The following CNBD1 variants were observed in gnomAD, a reference collection of about 807,000 sequenced individuals.
The protein encoded by CNBD1 is cyclic nucleotide-binding domain-containing protein 1.
A neutral mutation model predicts 54.4 loss-of-function variants in CNBD1; 71 were observed. That is an observed-to-expected ratio of 1.30 (90% CI 1.08 to 1.59). The LOEUF is 1.59. Ranked by LOEUF, CNBD1 falls within the 40% of genes most tolerant of loss-of-function variation. The probability of loss-of-function intolerance (pLI) is 0.00; values close to 1 mark genes in which losing one functional copy is unlikely to be tolerated. For missense variants in CNBD1, 659 were observed against 518.0 expected, an observed-to-expected ratio of 1.27 and a Z score of -2.64; for synonymous variants, 182 against 170.7, an observed-to-expected ratio of 1.07 and a Z score of -0.51.
chr8:87,099,053 A>C (rs896343450), intron 4 of CNBD1, among the ~76,000 whole-genome samples: 2 of 150,870 alleles, frequency 1.3e-5, no homozygotes, highest in South Asian at 2.1e-4. Context: ...AAAAAAAAAA[A>C]AAAAAAACAA....
chr8:86,995,992 C>G lies in CNBD1; in HGVS notation c.431+56238C>G, dbSNP rs73689982. Among the ~76,000 whole-genome samples the G allele has an allele frequency of 5.3e-3, 806 of 152,248 alleles. 11 individuals carry two copies. Among genetic ancestry groups the G allele is most frequent in the African/African-American group, 0.018 (749 of 41,542 alleles). On this transcript the variant is annotated intron_variant, in intron 4 of 10. Transcript: ENST00000518476. ...AAATCCCTATCGATATTAAGACCTGCCATGATTTCCACTTATACCCCCAGT... is the reference window on the plus strand; with the variant it reads ...AAATCCCTATCGATATTAAGACCTGGCATGATTTCCACTTATACCCCCAGT...
chr8:87,251,541 T>C (rs1439895936), intron 6 of CNBD1, among the ~76,000 whole-genome samples: 3 of 150,926 alleles, frequency 2.0e-5, no homozygotes, highest in Non-Finnish European at 2.9e-5. Flanking sequence ...TGAGCCAAGA[T>C]TGCGCCATTG....
intron 4 of CNBD1, among the ~76,000 whole-genome samples, chr8:87,106,490 C>T (rs1811540331): frequency 6.6e-6 from 1 of 152,206 alleles, no homozygotes; most frequent in African/African-American, 2.4e-5. Context: ...GAATTACAGG[C>T]ATGAGCCACT....
At chr8:87,193,603 C>T (rs1019891491) in intron 4 of CNBD1, among the ~76,000 whole-genome samples, 4 of 152,150 alleles carry the variant, frequency 2.6e-5, no homozygotes, top group Admixed American at 2.6e-4. Flanking sequence ...TTTCCTTTCA[C>T]TTATAGAGAC....
chr8:87,408,729 C>G (rs1792368358), intron 2 of CNBD1, among the ~76,000 whole-genome samples: 1 of 152,090 alleles, frequency 6.6e-6, no homozygotes, highest in Non-Finnish European at 1.5e-5. Context: ...AATTTTGTGT[C>G]TCCGTGTCAC....
intron 4 of CNBD1, among the ~76,000 whole-genome samples, chr8:87,030,840 CCT>C (rs1200114443): frequency 2.0e-4 from 24 of 117,342 alleles, no homozygotes; most frequent in African/African-American, 9.4e-4. Context: ...CCTTCTCCCC[CCT>C]CCCCTCTCCT....
Position 87,237,051 on chromosome 8 carries a change from G to A in CNBD1, c.710G>A (p.Trp237Ter), listed in dbSNP as rs757608759. Reference protein sequence around the residue: ...FISQSFHSFIWSEEFKNSTLA... With the variant: ...FISQSFHSFI ...TCTCAGAGTTTCCACAGCTTCATTT[G>A]GAGTGAAGAATTCAAAAACTCTACA... The change falls in exon 6 of 11, where the codon TGG becomes TAG. Residue 237 changes from tryptophan (W) to a stop codon, truncating the protein, a stop_gained. Transcript: ENST00000518476. LOFTEE classifies it high-confidence loss of function. 9 of 1,611,724 alleles carry A rather than the reference G, an allele frequency of 5.6e-6. No individual in the cohort carries two copies. Among genetic ancestry groups the A allele is most frequent in the Non-Finnish European group, 7.6e-6 (9 of 1,178,394 alleles).
At chr8:87,064,444 TAAGG>T (rs941727797) in intron 4 of CNBD1, among the ~76,000 whole-genome samples, 8 of 152,132 alleles carry the variant, frequency 5.3e-5, no homozygotes, top group African/African-American at 1.9e-4. Flanking sequence ...TCTTTCTGAG[TAAGG>T]AAGGGGCTTA....
intron 4 of CNBD1, among the ~76,000 whole-genome samples, chr8:87,050,083 C>T (rs1312873139): frequency 6.6e-6 from 1 of 152,134 alleles, no homozygotes. Flanking sequence ...GATTTTTGGG[C>T]CTCAGATTCC....
At chr8:87,315,178 A>G (rs899584326) in intron 8 of CNBD1, among the ~76,000 whole-genome samples, 3 of 152,100 alleles carry the variant, frequency 2.0e-5, no homozygotes, top group East Asian at 1.9e-4. Flanking sequence ...TAAAGAGAGT[A>G]GGGAAAATAG....
intron 6 of CNBD1, among the ~76,000 whole-genome samples, chr8:87,239,339 G>T (rs1807642664): frequency 6.6e-6 from 1 of 151,974 alleles, no homozygotes. Context: ...CTGGTGTTAT[G>T]AAACATGCTG....
intron 8 of CNBD1, among the ~76,000 whole-genome samples, chr8:87,302,379 T>G (rs150400290): frequency 0.38 from 57,564 of 151,208 alleles, 11,249 homozygotes; most frequent in Middle Eastern, 0.45. Context: ...CAGAACCAAT[T>G]ACAAAAACCA....
intron 3 of CNBD1, among the ~76,000 whole-genome samples, chr8:86,912,451 T>G (rs1809115041): frequency 6.6e-6 from 1 of 152,134 alleles, no homozygotes; most frequent in Admixed American, 6.6e-5. Flanking sequence ...TCCCATAAAA[T>G]TAAAATGGGG....
chr8:87,216,422 A>C (rs1007544873), intron 5 of CNBD1, among the ~76,000 whole-genome samples: 5 of 152,130 alleles, frequency 3.3e-5, no homozygotes, highest in Non-Finnish European at 5.9e-5. Context: ...CAGAAATATA[A>C]TTTACCTGTG....
At position 87,288,935 on chromosome 8, in the gene CNBD1, A is replaced by G. The variant is rs188358213; in HGVS notation, c.1042+2264A>G. Among the ~76,000 whole-genome samples, 60 of 152,236 alleles carry G rather than the reference A, an allele frequency of 3.9e-4. 1 individual carries two copies. The highest frequency in any genetic ancestry group is 2.6e-4 in the Admixed American group (4 of 15,272). On this transcript the variant is annotated intron_variant, in intron 8 of 10. Transcript: ENST00000518476. ...ATAAATAAATATACCTACGTGAAGA[A>G]TAAGTCCTGTCAAATTCATCTAATT...
chr8:86,959,755 C>A (rs1807879156), intron 4 of CNBD1, among the ~76,000 whole-genome samples: 1 of 152,106 alleles, frequency 6.6e-6, no homozygotes. Flanking sequence ...TTCATCTAAT[C>A]TTTTTTCAAG....
intron 6 of CNBD1, among the ~76,000 whole-genome samples, chr8:87,281,536 G>A (rs1393750657): frequency 4.8e-5 from 4 of 83,134 alleles, no homozygotes; most frequent in Non-Finnish European, 9.4e-5. Context: ...ATTCTTCTAG[G>A]CTAAGATATA....
At chr8:86,910,180 A>AG (rs1414353351) in intron 3 of CNBD1, among the ~76,000 whole-genome samples, 1 of 152,172 alleles carries the variant, frequency 6.6e-6, no homozygotes, top group Admixed American at 6.5e-5. Flanking sequence ...ATTAAAAAAA[A>AG]GTTGCCTATT....
At chr8:87,055,659 T>C (rs2130630164) in intron 4 of CNBD1, among the ~76,000 whole-genome samples, 1 of 152,350 alleles carries the variant, frequency 6.6e-6, no homozygotes, top group African/African-American at 2.4e-5. Context: ...GCTGCTTCTC[T>C]GAGGACTAGC....
Sources: gnomAD v4.1 joint callset for allele counts (sites outside exome capture counted in the v4.1 genomes callset) on GRCh38, gnomAD v4.1.1 for gene constraint, MANE v1.5 for transcripts, NCBI Gene and HGNC (gene_info 2026-07-23, HGNC 2026-07-21) for gene names.